Variants in E2F8 observed in about 807,000 individuals in gnomAD.
E2F8 encodes the protein E2F transcription factor 8.
A neutral mutation model predicts 80.8 loss-of-function variants in E2F8; 35 were observed. That is an observed-to-expected ratio of 0.43 (90% confidence interval 0.33 to 0.57). The LOEUF (loss-of-function observed/expected upper bound fraction) is 0.57, where lower values mean the gene tolerates loss of function less well. Among genes scored for constraint, E2F8 ranks in the 20% least tolerant of loss-of-function variants. The pLI, the probability that E2F8 is intolerant of heterozygous loss-of-function variation, is 0.04. For synonymous variants in E2F8, 386 were observed against 395.0 expected, an observed-to-expected ratio of 0.98 and a Z score of 0.27; for missense variants, 975 against 1,056.2, an observed-to-expected ratio of 0.92 and a Z score of 1.07.
chr11:19,229,869 G>T lies in E2F8; in HGVS notation c.1478C>A (p.Pro493His). The stretch of plus-strand genomic sequence containing the variant: ...GGGGATCAGGGGAACCATTCCCAGG[G>T]GCTGGATGAGGGACGGTGCTGTCAG... ...MELTAPSLIQPLGMVPLIPSP... is the reference protein window; with the variant it reads ...MELTAPSLIQHLGMVPLIPSP... Residue 493 changes from proline to histidine, a missense_variant, in exon 10 of 13, where the codon CCC becomes CAC. By Grantham distance (77) the Pro-to-His change is moderately conservative. Transcript: ENST00000250024. This position sits in a 1 kb window ranked among gnomAD's most constrained non-coding sequence, Gnocchi z 4.3. 6.2e-7 allele frequency: 1 copy of T among 1,614,056 alleles called. No homozygotes were observed. The highest frequency in any genetic ancestry group is 8.5e-7 in the Non-Finnish European group (1 of 1,180,000).
chr11:19,224,469 A>G lies in E2F8; in HGVS notation c.*189T>C, dbSNP rs1036645245. 1.8e-3 allele frequency: 657 copies of G among 360,810 alleles called. 1 individual carries two copies. Among genetic ancestry groups the G allele is most frequent in the Non-Finnish European group, 2.7e-3 (535 of 201,096 alleles). 22.4% of individuals were successfully genotyped at this position (360,810 alleles called of 1,614,324 possible). A position where few individuals can be genotyped will look rare whatever the true frequency, so the allele number is the denominator to read the frequency against. ...GCTAAACTTAGCTTTATACAAATATATGTGTGTGTGTGTGTGTGTGTGTGT... is the reference window on the plus strand; with the variant it reads ...GCTAAACTTAGCTTTATACAAATATGTGTGTGTGTGTGTGTGTGTGTGTGT... On this transcript the variant is annotated 3_prime_UTR_variant, in exon 13 of 13. Coordinates refer to ENST00000250024, the MANE Select transcript of E2F8 (RefSeq NM_024680.4).
rs1019567610 is a variant in E2F8 at position 19,225,315 on chromosome 11, C to T, written c.2327G>A (p.Gly776Asp). The change falls in exon 12 of 13, where the codon GGC becomes GAC. Residue 776 changes from glycine (G) to aspartate (D), a missense_variant. Transcript: ENST00000250024. ...GTTGGTGGCCCTTCCTTGCTGAGTG[C>T]CTGCATTTTCTGGTGCGACATTAAC... Reference protein sequence around the residue: ...ESVNVAPENAGTQQGRATNYD... With the variant: ...ESVNVAPENADTQQGRATNYD... The T allele has an allele frequency of 1.9e-6, 3 of 1,614,052 alleles. No homozygotes were observed. In the African/African-American group the frequency reaches 4.0e-5, roughly 22 times the overall value.
At chr11:19,232,466 T>TCAGAACA in intron 6 of E2F8, 95 bp from the exon 7 acceptor site, 1 of 1,054,160 alleles carries the variant, frequency 9.5e-7, no homozygotes, top group Non-Finnish European at 1.4e-6. Context: ...AAGAGCTGTC[T>TCAGAACA]TAACCATCAA....
At chr11:19,234,018 C>A (rs556259411) in intron 6 of E2F8, among the ~76,000 whole-genome samples, 23 of 151,230 alleles carry the variant, frequency 1.5e-4, no homozygotes, top group Middle Eastern at 3.2e-3. Context: ...TGTGGTGGCG[C>A]GCAACTGTAA....
Position 19,225,371 on chromosome 11 carries a change from T to C in E2F8, c.2271A>G (p.Gly757=). Residue 757 remains glycine, a synonymous_variant, in exon 12 of 13, where the codon GGA becomes GGG. Transcript: ENST00000250024. ...CTATTCTTGGAGACACAGGAACGAT[T>C]CCAGACCCAGGGCTGGCAGACAACT... ...NVQLSASPGS[G]IVPVSPRIES... 6.2e-7 allele frequency: 1 copy of C among 1,614,154 alleles called. No individual in the cohort carries two copies. The highest frequency in any genetic ancestry group is 8.5e-7 in the Non-Finnish European group (1 of 1,180,028).
At chr11:19,225,997 G>T in intron 10 of E2F8, 133 bp from the exon 11 acceptor site, 1 of 1,044,602 alleles carries the variant, frequency 9.6e-7, no homozygotes, top group Non-Finnish European at 1.4e-6. Flanking sequence ...TGGGCTGCAG[G>T]CAGGCTGGTC....
chr11:19,235,416 AGGAGGGCGG>A (rs1851488437), intron 4 of E2F8, among the ~76,000 whole-genome samples: 1 of 152,224 alleles, frequency 6.6e-6, no homozygotes, highest in Non-Finnish European at 1.5e-5. Flanking sequence ...TGGGAGGCCG[AGGAGGGCGG>A]ATCACGAGGT....
chr11:19,238,165 G>C lies in E2F8; in HGVS notation c.16-33C>G, dbSNP rs752130877. On this transcript the variant is annotated intron_variant, in intron 2 of 12. Transcript: ENST00000250024. ...AAAAAATGTAAATAATTAAATCCAT[G>C]GTAAAACAGGATTTATCAGACAGCT... 7 of 1,570,512 alleles carry C rather than the reference G, an allele frequency of 4.5e-6. No homozygotes were observed. The East Asian group carries it at 1.3e-4, about 30-fold the overall frequency.
Position 19,224,216 on chromosome 11 carries a change from C to A in E2F8, c.*442G>T, listed in dbSNP as rs1442283199. ...AGAAATTACAAAAAATATAGCTATACCCCTATTTAAAAATACAACATTATA... is the reference window on the plus strand; with the variant it reads ...AGAAATTACAAAAAATATAGCTATAACCCTATTTAAAAATACAACATTATA... On this transcript the variant is annotated 3_prime_UTR_variant, in exon 13 of 13. Coordinates refer to ENST00000250024, the MANE Select transcript of E2F8 (RefSeq NM_024680.4). The A allele has an allele frequency of 6.5e-6, 1 of 152,892 alleles. No homozygotes were observed. The highest frequency in any genetic ancestry group is 1.5e-5 in the Non-Finnish European group (1 of 68,272). The allele number at this position is 152,892 out of a possible 1,614,324, so 9.5% of individuals were successfully genotyped here.
chr11:19,227,755 C>G (rs1281781450), intron 10 of E2F8, among the ~76,000 whole-genome samples: 1 of 152,184 alleles, frequency 6.6e-6, no homozygotes, highest in Non-Finnish European at 1.5e-5. Context: ...ACATGACTCT[C>G]TCATTGTCTT....
intron 10 of E2F8, among the ~76,000 whole-genome samples, chr11:19,226,268 A>G (rs1851234714): frequency 6.6e-6 from 1 of 152,236 alleles, no homozygotes; most frequent in Admixed American, 6.5e-5. Flanking sequence ...GGGCATTCTG[A>G]GGGACCTGAG....
Position 19,225,715 on chromosome 11 carries a change from G to T in E2F8, c.2026+17C>A, listed in dbSNP as rs1376878626. ...TGAGACCGGCCCACATCTGGTTAGT[G>T]TTTTATGTGCACTCACCTGCAATTG... is the stretch of plus-strand genomic sequence containing the variant. On this transcript the variant is annotated intron_variant, in intron 11 of 12. Coordinates refer to ENST00000250024, the MANE Select transcript of E2F8 (RefSeq NM_024680.4). The T allele has an allele frequency of 1.2e-6, 2 of 1,614,110 alleles. No homozygotes were observed. The highest frequency in any genetic ancestry group is 4.5e-5 in the East Asian group (2 of 44,880).
At chr11:19,230,909 TA>T in intron 7 of E2F8, 75 bp from the exon 8 acceptor site, 7 of 1,433,098 alleles carry the variant, frequency 4.9e-6, no homozygotes, top group Non-Finnish European at 5.8e-6. Context: ...AAAACAATTT[TA>T]GGAATAAAAG....
At chr11:19,237,640 C>T (rs954287112) in intron 3 of E2F8, among the ~76,000 whole-genome samples, 170 bp from the exon 4 acceptor site, 3 of 152,144 alleles carry the variant, frequency 2.0e-5, no homozygotes, top group African/African-American at 4.8e-5. Flanking sequence ...GCTTGGCAAA[C>T]CTGAAAGGAA....
intron 12 of E2F8, 88 bp from the exon 13 acceptor site, chr11:19,224,928 T>C: frequency 6.9e-7 from 1 of 1,453,508 alleles, no homozygotes; most frequent in South Asian, 1.3e-5. Context: ...GCTGGATGAA[T>C]GTATTGCACA....
Position 19,233,550 on chromosome 11 carries a change from C to T in E2F8, c.928+810G>A, listed in dbSNP as rs542096335. Among the ~76,000 whole-genome samples the T allele has an allele frequency of 3.9e-5, 6 of 152,100 alleles. No individual in the cohort carries two copies. The East Asian group carries it at 5.9e-4, about 15-fold the overall frequency. ...TCCCCCAGGCTGGAGTGCAGTGGCG[C>T]GATCTCGGCTCACTGCAAGCGCCGC... is the stretch of plus-strand genomic sequence containing the variant. On this transcript the variant is annotated intron_variant, in intron 6 of 12. Transcript: ENST00000250024.
At chr11:19,225,126 T>G in intron 12 of E2F8, 95 bp downstream of exon 12, 1 of 1,503,276 alleles carries the variant, frequency 6.7e-7, no homozygotes. Flanking sequence ...CCTTTCCCTC[T>G]CCAAAGAGGA....
At chr11:19,239,448 A>G (rs577437953) in intron 2 of E2F8, among the ~76,000 whole-genome samples, 8 of 152,340 alleles carry the variant, frequency 5.3e-5, no homozygotes, top group Non-Finnish European at 8.8e-5. Context: ...GGAAATATGC[A>G]TGTAAGTTCA....
chr11:19,229,639 T>C lies in E2F8; in HGVS notation c.1708A>G (p.Thr570Ala). The C allele has an allele frequency of 6.2e-7, 1 of 1,614,168 alleles. No individual in the cohort carries two copies. Reference sequence around the variant, plus strand: ...CTGGTAGAGGCACTGGCCTTTGAGGTATCATTGGCTGCCTTCTCAGTGGTG... The same window carrying C: ...CTGGTAGAGGCACTGGCCTTTGAGGCATCATTGGCTGCCTTCTCAGTGGTG... ...DATTEKAAND[T>A]SKASASTRPG... is the part of the protein sequence containing the mutation. Residue 570 changes from threonine to alanine, a missense_variant, in exon 10 of 13, where the codon ACC (threonine) becomes GCC (alanine). Physicochemically the swap from Thr to Ala is moderately conservative, Grantham distance 58 (BLOSUM62 0). Coordinates refer to ENST00000250024, the MANE Select transcript of E2F8 (RefSeq NM_024680.4). This position sits in a 1 kb window ranked among gnomAD's most constrained non-coding sequence, Gnocchi z 4.3.
Sources: allele counts gnomAD v4.1 joint callset (sites outside exome capture counted in the v4.1 genomes callset), GRCh38; gene constraint gnomAD v4.1.1; non-coding constraint Gnocchi (gnomAD v3.1); transcripts MANE v1.5; gene names NCBI Gene and HGNC (gene_info 2026-07-23, HGNC 2026-07-21).